The following CYREN variants were observed in gnomAD, a reference collection of about 807,000 sequenced individuals.
The protein encoded by CYREN is cell cycle regulator of non-homologous end joining.
A neutral mutation model predicts 9.7 loss-of-function variants in CYREN; 7 were observed. That is an observed-to-expected ratio of 0.72 (90% CI 0.41 to 1.36). CYREN has a LOEUF of 1.36. Among genes scored for constraint, CYREN ranks in the 40% most tolerant of loss-of-function variants. CYREN has a pLI of 0.01. For synonymous variants in CYREN, 76 were observed against 77.9 expected (o/e 0.98, Z 0.13); for missense variants, 215 against 198.1 (o/e 1.09, Z -0.51).
intron 2 of CYREN, among the ~76,000 whole-genome samples, chr7:135,105,586 T>A (rs1040875165): frequency 5.3e-5 from 8 of 152,246 alleles, no homozygotes; most frequent in Admixed American, 4.6e-4. Flanking sequence ...GTTCCATTGG[T>A]CTATGTGTCT....
chr7:135,170,812 G>GCCCGGGACACTTCCGGCT (rs1830614478), upstream of CYREN: 2 of 152,162 alleles, frequency 1.3e-5, no homozygotes, highest in East Asian at 1.9e-4. Flanking sequence ...CAGTCCCGGC[G>GCCCGGGACACTTCCGGCT]CCCGGGACAC....
At chr7:135,171,350 AAGAC>A (rs1830649278), upstream of CYREN, among the ~76,000 whole-genome samples, 1 of 151,436 alleles carries the variant, frequency 6.6e-6, no homozygotes, top group Non-Finnish European at 1.5e-5. Flanking sequence ...AGTGAAATCA[AAGAC>A]AGGCAGCCCA....
chr7:135,114,122 C>CA (rs60251649), intron 2 of CYREN, among the ~76,000 whole-genome samples: 152,347 of 152,348 alleles, frequency 1, 76,173 homozygotes, highest in Non-Finnish European at 1. Flanking sequence ...GTGTTGCTTA[C>CA]ACTGTTGGCT....
intron 2 of CYREN, among the ~76,000 whole-genome samples, chr7:135,119,627 C>T: frequency 6.6e-6 from 1 of 151,810 alleles, no homozygotes; most frequent in East Asian, 1.9e-4. Flanking sequence ...CCTGTAATCC[C>T]AGCACTTTGG....
At chr7:135,113,738 G>A (rs973689127) in intron 2 of CYREN, among the ~76,000 whole-genome samples, 11 of 152,112 alleles carry the variant, frequency 7.2e-5, no homozygotes, top group Admixed American at 1.3e-4. Context: ...AAGTACAGTC[G>A]CATTGTGGTG....
intron 2 of CYREN, among the ~76,000 whole-genome samples, chr7:135,153,833 A>G (rs113174456): frequency 0.05 from 7,668 of 152,316 alleles, 261 homozygotes; most frequent in Non-Finnish European, 0.08. Flanking sequence ...GGTTTTTAGT[A>G]TCAGGGTGAC....
chr7:135,107,178 G>A (rs1252781735), intron 2 of CYREN, among the ~76,000 whole-genome samples: 4 of 151,274 alleles, frequency 2.6e-5, no homozygotes, highest in Admixed American at 6.6e-5. Flanking sequence ...TGGATTAATC[G>A]ATATTTTCAA....
At position 135,166,448 on chromosome 7, in the gene CYREN, T is replaced by A. The variant is rs1830139351; in HGVS notation, c.*163A>T. ...AACGGCAGCCCCAAGGCCCGGAGTG[T>A]CCAGGGGCTTCTGGCCTGAGGTGAA... On this transcript the variant is annotated 3_prime_UTR_variant, in exon 4 of 4. Transcript: ENST00000393114. The A allele has an allele frequency of 8.6e-7, 1 of 1,161,992 alleles. No homozygotes were observed. The allele number at this position is 1,161,992 out of a possible 1,614,324, so 72.0% of individuals were successfully genotyped here.
rs1253734742 is a variant in CYREN, at chr7:135,165,848, A to C, written c.*763T>G. ...TGGAAAACCTGTATGGCAGTGATTT[A>C]TTCATATATTCCTGTCCAAAGCCAC... On this transcript the variant is annotated 3_prime_UTR_variant, in exon 4 of 4. Coordinates refer to ENST00000393114, the MANE Select transcript of CYREN (RefSeq NM_024033.4). The C allele has an allele frequency of 3.0e-5, 5 of 167,146 alleles. No individual in the cohort carries two copies. The allele number at this position is 167,146 out of a possible 1,614,324, so 10.4% of individuals were successfully genotyped here. A position where few individuals can be genotyped will look rare whatever the true frequency, so the allele number is the denominator to read the frequency against.
chr7:135,134,956 C>T, intron 2 of CYREN: 2 of 1,551,168 alleles, frequency 1.3e-6, no homozygotes, highest in Non-Finnish European at 1.7e-6. Flanking sequence ...AGAATGGGTC[C>T]AGTCTAAGCC....
chr7:135,172,442 G>A (rs1830699976), upstream of CYREN, among the ~76,000 whole-genome samples: 1 of 143,240 alleles, frequency 7.0e-6, no homozygotes, highest in South Asian at 2.2e-4. Context: ...CTTGTGGTAT[G>A]TGTGGTGTGA....
chr7:135,167,293 T>C (rs911138697), intron 3 of CYREN: 10 of 1,069,344 alleles, frequency 9.4e-6, no homozygotes, highest in Middle Eastern at 4.3e-4. Flanking sequence ...TGGTAAACTG[T>C]AGAATGCTGT....
At chr7:135,129,876 A>G (rs779621598) in intron 2 of CYREN, among the ~76,000 whole-genome samples, 2 of 152,188 alleles carry the variant, frequency 1.3e-5, no homozygotes, top group Non-Finnish European at 2.9e-5. Flanking sequence ...ACATTTTTTA[A>G]TGCAAGTTGA....
chr7:135,165,013 T>A, downstream of CYREN: 1 of 1,560,426 alleles, frequency 6.4e-7, no homozygotes, highest in Non-Finnish European at 8.7e-7. Context: ...CTTACGTGAT[T>A]GCAAGGGTTC....
downstream of CYREN, among the ~76,000 whole-genome samples, chr7:135,161,330 T>G (rs1371407863): frequency 6.6e-6 from 1 of 152,116 alleles, no homozygotes; most frequent in Non-Finnish European, 1.5e-5. This position sits in a 1 kb window ranked among gnomAD's most constrained non-coding sequence, Gnocchi z 4.1. Flanking sequence ...AAGCAAAACG[T>G]TTAATAATTT....
chr7:135,113,154 A>G (rs1013872025), intron 2 of CYREN, among the ~76,000 whole-genome samples: 1 of 152,236 alleles, frequency 6.6e-6, no homozygotes, highest in Non-Finnish European at 1.5e-5. Flanking sequence ...TCATTTGCCA[A>G]TATTGCCAGA....
In CYREN at chr7:135,111,959, AATG is replaced by A. The variant is rs370553622; in HGVS notation, n.357-17380_357-17378del. 1.1e-4 allele frequency among the ~76,000 whole-genome samples: 17 copies of A among 151,932 alleles called. No homozygotes were observed. In the East Asian group the frequency reaches 2.7e-3, roughly 25 times the overall value. Reference sequence around the variant, plus strand: ...TTTTTCCGCACAGGCACTTCTATTCAATGTGTCCACTTCCGATCTCTTTCTCCT... The same window carrying A: ...TTTTTCCGCACAGGCACTTCTATTCATGTCCACTTCCGATCTCTTTCTCCT... On this transcript the variant is annotated intron_variant and non_coding_transcript_variant, in intron 2 of 2. Coordinates refer to the CYREN transcript ENST00000459937.
At chr7:135,160,735 TA>T (rs11295955) in intron 2 of CYREN, among the ~76,000 whole-genome samples, 26 of 145,340 alleles carry the variant, frequency 1.8e-4, no homozygotes, top group South Asian at 2.1e-4. Flanking sequence ...TTCGCTCATT[TA>T]AAAAAAAAAA....
intron 2 of CYREN, among the ~76,000 whole-genome samples, chr7:135,126,779 T>C (rs1827933740): frequency 6.6e-6 from 1 of 152,238 alleles, no homozygotes; most frequent in African/African-American, 2.4e-5. Context: ...AAGGATTCCC[T>C]GTTCAATAAG....
Sources: gnomAD v4.1 joint callset for allele counts (sites outside exome capture counted in the v4.1 genomes callset) on GRCh38, gnomAD v4.1.1 for gene constraint, Gnocchi (gnomAD v3.1) non-coding constraint, MANE v1.5 for transcripts, NCBI Gene and HGNC (gene_info 2026-07-23, HGNC 2026-07-21) for gene names.